Variants in CNBD1 observed in about 807,000 individuals in gnomAD.
CNBD1 encodes cyclic nucleotide-binding domain-containing protein 1.
In CNBD1, 71 loss-of-function variants were observed where a neutral mutation model predicts 54.4. The ratio of observed to expected loss-of-function variants is 1.30; its 90% CI spans 1.08 to 1.59. CNBD1 has a LOEUF of 1.59. Ranked by LOEUF, CNBD1 falls within the 40% of genes most tolerant of loss-of-function variation. CNBD1 has a pLI of 0.00. For synonymous variants in CNBD1, 182 were observed against 170.7 expected (o/e 1.07, Z -0.51); for missense variants, 659 against 518.0 (o/e 1.27, Z -2.64).
intron 4 of CNBD1, among the ~76,000 whole-genome samples, chr8:87,205,070 CTA>C (rs1250459383): frequency 1.3e-5 from 2 of 152,062 alleles, no homozygotes; most frequent in East Asian, 3.9e-4. Context: ...TGGGCCAACA[CTA>C]TGTCATATCT....
chr8:86,916,643 GT>G (rs931945211), intron 3 of CNBD1, among the ~76,000 whole-genome samples: 51 of 151,864 alleles, frequency 3.4e-4, no homozygotes, highest in African/African-American at 1.2e-3. Flanking sequence ...CTAGTTTCAG[GT>G]TTTTTTCTAT....
chr8:87,257,312 T>A (rs1235707057), intron 6 of CNBD1, among the ~76,000 whole-genome samples: 1 of 146,914 alleles, frequency 6.8e-6, no homozygotes, highest in African/African-American at 2.6e-5. Context: ...GAGGTTGCAG[T>A]CAGCTGAGAT....
intron 7 of CNBD1, 138 bp downstream of exon 7, chr8:87,284,953 T>C (rs1048974674): frequency 1.6e-6 from 1 of 622,118 alleles, no homozygotes; most frequent in Non-Finnish European, 2.5e-6. Flanking sequence ...AAAATGTTAT[T>C]TGACAAAAAT....
chr8:87,212,361 T>A (rs1426120078), intron 5 of CNBD1, among the ~76,000 whole-genome samples: 2 of 152,078 alleles, frequency 1.3e-5, no homozygotes, highest in East Asian at 1.9e-4. Flanking sequence ...AATAAATTGA[T>A]CCTAAAATTC....
intron 4 of CNBD1, among the ~76,000 whole-genome samples, chr8:87,054,006 G>A (rs1461136446): frequency 6.6e-6 from 1 of 152,216 alleles, no homozygotes; most frequent in African/African-American, 2.4e-5. Flanking sequence ...GAGACAGCGT[G>A]GAGGCTAAAA....
chr8:87,115,324 T>C (rs1811746512), intron 4 of CNBD1, among the ~76,000 whole-genome samples: 1 of 152,208 alleles, frequency 6.6e-6, no homozygotes, highest in Admixed American at 6.5e-5. Flanking sequence ...TTTCGAACAG[T>C]AATGTGAATT....
chr8:87,379,105 G>T (rs1811017904), intron 10 of CNBD1, among the ~76,000 whole-genome samples: 1 of 151,426 alleles, frequency 6.6e-6, no homozygotes, highest in Non-Finnish European at 1.5e-5. Context: ...TGCAAACAGG[G>T]ACAATTTGAC....
At chr8:87,300,157 ACT>A (rs1483199673) in intron 8 of CNBD1, among the ~76,000 whole-genome samples, 1 of 152,034 alleles carries the variant, frequency 6.6e-6, no homozygotes, top group Non-Finnish European at 1.5e-5. Flanking sequence ...TGATATCAAA[ACT>A]CAATATTATA....
intron 8 of CNBD1, among the ~76,000 whole-genome samples, chr8:87,346,033 T>C (rs935466438): frequency 6.6e-6 from 1 of 151,676 alleles, no homozygotes; most frequent in Non-Finnish European, 1.5e-5. Flanking sequence ...TGTTTAATTT[T>C]CTTTTTTTTT....
At chr8:87,156,311 C>G (rs1812740638) in intron 4 of CNBD1, among the ~76,000 whole-genome samples, 1 of 80,254 alleles carries the variant, frequency 1.2e-5, no homozygotes, top group Non-Finnish European at 2.6e-5. Context: ...CTGCTATGAT[C>G]TCTACTTACT....
At chr8:87,272,113 G>C (rs961240287) in intron 6 of CNBD1, among the ~76,000 whole-genome samples, 2 of 151,900 alleles carry the variant, frequency 1.3e-5, no homozygotes, top group Admixed American at 6.6e-5. Flanking sequence ...GTGTGGTGAA[G>C]AGAGGTTGAT....
At chr8:87,131,040 C>G (rs1309712114) in intron 4 of CNBD1, among the ~76,000 whole-genome samples, 1 of 151,914 alleles carries the variant, frequency 6.6e-6, no homozygotes, top group East Asian at 1.9e-4. Flanking sequence ...TAATATGTAT[C>G]TGTCCATTCT....
intron 4 of CNBD1, among the ~76,000 whole-genome samples, chr8:86,982,086 T>A (rs79592117): frequency 0.019 from 2,926 of 152,340 alleles, 96 homozygotes; most frequent in African/African-American, 0.06. Context: ...GCCAGTCCAT[T>A]AAATTTTACC....
At chr8:87,068,475 G>A (rs1003682764) in intron 4 of CNBD1, among the ~76,000 whole-genome samples, 9 of 151,934 alleles carry the variant, frequency 5.9e-5, no homozygotes, top group Admixed American at 4.6e-4. Context: ...AAGGCTCCAG[G>A]TGATTAAATA....
At chr8:87,402,932 T>A (rs1807593359) in intron 2 of CNBD1, among the ~76,000 whole-genome samples, 1 of 152,058 alleles carries the variant, frequency 6.6e-6, no homozygotes, top group Admixed American at 6.6e-5. Context: ...ACAAGCATAC[T>A]TAGTAATGTA....
intron 8 of CNBD1, among the ~76,000 whole-genome samples, chr8:87,318,488 T>C (rs1472425697): frequency 6.6e-6 from 1 of 152,098 alleles, no homozygotes; most frequent in Non-Finnish European, 1.5e-5. Context: ...CAATACACCA[T>C]ACGTTTTGAA....
chr8:86,871,512 T>C (rs1563805853), intron 1 of CNBD1, among the ~76,000 whole-genome samples: 1 of 152,236 alleles, frequency 6.6e-6, no homozygotes, highest in Admixed American at 6.5e-5. Context: ...CATTACAATC[T>C]ATTTTCCACA....
intron 3 of CNBD1, among the ~76,000 whole-genome samples, chr8:86,910,586 T>C (rs1809086141): frequency 6.6e-6 from 1 of 152,182 alleles, no homozygotes; most frequent in Non-Finnish European, 1.5e-5. Flanking sequence ...CACAGTAAAA[T>C]TGCTACATTG....
intron 2 of CNBD1, among the ~76,000 whole-genome samples, chr8:87,413,934 C>T (rs1377617697): frequency 6.6e-6 from 1 of 151,484 alleles, no homozygotes; most frequent in Non-Finnish European, 1.5e-5. Flanking sequence ...GGACTGTAAA[C>T]TAGTTCAACC....
Sources: allele counts gnomAD v4.1 joint callset (sites outside exome capture counted in the v4.1 genomes callset), GRCh38; gene constraint gnomAD v4.1.1; transcripts MANE v1.5; gene names NCBI Gene and HGNC (gene_info 2026-07-23, HGNC 2026-07-21).